Variants in UBAP1 observed in about 807,000 individuals in gnomAD.
The protein encoded by UBAP1 is ubiquitin-associated protein 1.
A neutral mutation model predicts 39.0 loss-of-function variants in UBAP1; 5 were observed. The ratio of observed to expected loss-of-function variants is 0.13; its 90% CI spans 0.07 to 0.27. The LOEUF (loss-of-function observed/expected upper bound fraction) is 0.27, where lower values mean the gene tolerates loss of function less well. UBAP1 is among the 10% of genes least tolerant of loss of function. UBAP1 has a pLI of 1.00. For synonymous variants in UBAP1, 211 were observed against 225.1 expected (o/e 0.94, Z 0.56); for missense variants, 490 against 608.1 (o/e 0.81, Z 2.04).
intron 2 of UBAP1, among the ~76,000 whole-genome samples, chr9:34,227,155 A>T (rs1007816339): frequency 6.6e-6 from 1 of 152,172 alleles, no homozygotes. Flanking sequence ...CTGATTTTGT[A>T]GATTATATGG....
chr9:34,191,841 G>A (rs1048933158), intron 1 of UBAP1: 2 of 152,208 alleles, frequency 1.3e-5, no homozygotes, highest in African/African-American at 4.8e-5. Context: ...AGGCCGTTTG[G>A]ACACAGAATT....
intron 1 of UBAP1, among the ~76,000 whole-genome samples, chr9:34,194,470 A>G (rs911670036): frequency 1.3e-5 from 2 of 151,960 alleles, no homozygotes; most frequent in Non-Finnish European, 2.9e-5. Flanking sequence ...ACCTGCCACC[A>G]TGCCCGGCTA....
intron 1 of UBAP1, among the ~76,000 whole-genome samples, chr9:34,215,218 AACCCAAATGCC>A (rs1345117246): frequency 6.6e-6 from 1 of 152,164 alleles, no homozygotes; most frequent in Non-Finnish European, 1.5e-5. Context: ...TCATGGAAGC[AACCCAAATGCC>A]TATCAACGAA....
At chr9:34,224,693 C>G (rs1249535300) in intron 2 of UBAP1, 1 of 266,654 alleles carries the variant, frequency 3.8e-6, no homozygotes, top group Admixed American at 5.4e-5. Flanking sequence ...TTTTAGATAT[C>G]AGGTAGTTTA....
Position 34,189,473 on chromosome 9 carries a change from G to A in UBAP1, c.-8+10233G>A, listed in dbSNP as rs537120399. ...CAAAGTGCTGGGATTACAGGCATGA[G>A]CCACCGCACCCGGCCGATCATTATG... On this transcript the variant is annotated intron_variant, in intron 1 of 6. Coordinates refer to ENST00000297661, the MANE Select transcript of UBAP1 (RefSeq NM_016525.5). 6.6e-5 allele frequency among the ~76,000 whole-genome samples: 10 copies of A among 152,082 alleles called. No homozygotes were observed. The East Asian group carries it at 1.9e-3, about 29-fold the overall frequency.
intron 1 of UBAP1, among the ~76,000 whole-genome samples, chr9:34,218,320 G>A (rs1832461536): frequency 7.2e-6 from 1 of 139,852 alleles, no homozygotes; most frequent in African/African-American, 2.7e-5. Context: ...TTAAATTTTG[G>A]TGGAACTTCT....
At chr9:34,217,603 C>T (rs1185266017) in intron 1 of UBAP1, among the ~76,000 whole-genome samples, 4 of 150,072 alleles carry the variant, frequency 2.7e-5, no homozygotes, top group Non-Finnish European at 4.4e-5. Flanking sequence ...GATTCGGGGG[C>T]ACATGTGCGG....
intron 4 of UBAP1, among the ~76,000 whole-genome samples, chr9:34,248,735 G>A (rs185584781): frequency 2.3e-4 from 35 of 152,328 alleles, no homozygotes; most frequent in African/African-American, 7.9e-4. Flanking sequence ...ACTTTGAGGA[G>A]AGCATCTGGT....
At chr9:34,189,117 C>A (rs1830574498) in intron 1 of UBAP1, among the ~76,000 whole-genome samples, 1 of 151,744 alleles carries the variant, frequency 6.6e-6, no homozygotes, top group South Asian at 2.1e-4. Flanking sequence ...GTTAACATTT[C>A]CTTCAGTAGT....
chr9:34,211,828 A>C (rs895134491), intron 1 of UBAP1, among the ~76,000 whole-genome samples: 10 of 151,624 alleles, frequency 6.6e-5, no homozygotes, highest in Non-Finnish European at 1.0e-4. Flanking sequence ...TTTTATTCTT[A>C]GATTTATTCT....
In UBAP1 at chr9:34,226,127, G is replaced by GTGTGTGTGTGTGTGTGTGTT. The variant is rs1554650821; in HGVS notation, c.34+5198_34+5199insTTGTGTGTGTGTGTGTGTGT. On this transcript the variant is annotated intron_variant, in intron 2 of 6. Coordinates refer to ENST00000297661, the MANE Select transcript of UBAP1 (RefSeq NM_016525.5). ...CTATTGTGTGTGTGTGTGTGTGTGTGTGTGTGTGTGTGTGTGTGTGTGTGT... is the reference window on the plus strand; with the variant it reads ...CTATTGTGTGTGTGTGTGTGTGTGTGTGTGTGTGTGTGTGTGTGTTTGTGTGTGTGTGTGTGTGTGTGTGT... Among the ~76,000 whole-genome samples the GTGTGTGTGTGTGTGTGTGTT allele has an allele frequency of 1.9e-3, 266 of 137,398 alleles. 8 individuals are homozygous for GTGTGTGTGTGTGTGTGTGTT. In the East Asian group the frequency reaches 0.034, roughly 18 times the overall value. The allele number at this position is 137,398 out of a possible 152,430, so 90.1% of individuals were successfully genotyped here. A position where few individuals can be genotyped will look rare whatever the true frequency, so the allele number is the denominator to read the frequency against.
intron 1 of UBAP1, among the ~76,000 whole-genome samples, chr9:34,180,973 G>T (rs1829984878): frequency 6.6e-6 from 1 of 151,412 alleles, no homozygotes; most frequent in Admixed American, 6.6e-5. Flanking sequence ...ACTACGGCTG[G>T]CTAATTTTTG....
intron 6 of UBAP1, 49 bp downstream of exon 6, chr9:34,250,808 A>G (rs79611535): frequency 6.7e-7 from 1 of 1,501,108 alleles, no homozygotes; most frequent in Non-Finnish European, 9.3e-7. Context: ...GGAGGGACCA[A>G]GTATCCATCC....
At position 34,179,082 on chromosome 9, in the gene UBAP1, G is replaced by C. The variant is rs780760314; in HGVS notation, c.-166G>C. On this transcript the variant is annotated 5_prime_UTR_variant, in exon 1 of 7. Transcript: ENST00000297661. Reference sequence around the variant, plus strand: ...CAACATGGCGGCTGCGGCACTGGCGGTGGCTACGGTGACGGCCTGGCCCGG... The same window carrying C: ...CAACATGGCGGCTGCGGCACTGGCGCTGGCTACGGTGACGGCCTGGCCCGG... 5 of 1,278,414 alleles carry C rather than the reference G, an allele frequency of 3.9e-6. No homozygotes were observed. The South Asian group carries it at 1.1e-4, about 27-fold the overall frequency. 79.2% of individuals were successfully genotyped at this position (1,278,414 alleles called of 1,614,324 possible).
chr9:34,196,922 G>GTGTA (rs1831098839), intron 1 of UBAP1, among the ~76,000 whole-genome samples: 3 of 150,180 alleles, frequency 2.0e-5, no homozygotes, highest in Admixed American at 2.0e-4. Flanking sequence ...GTGTGTGTGT[G>GTGTA]TGTGTGTGTG....
At chr9:34,190,761 C>T (rs1337541811) in intron 1 of UBAP1, among the ~76,000 whole-genome samples, 2 of 147,376 alleles carry the variant, frequency 1.4e-5, no homozygotes, top group East Asian at 2.0e-4. Context: ...CTCAGCCTCC[C>T]GAGTAGCTGG....
intron 1 of UBAP1, among the ~76,000 whole-genome samples, chr9:34,185,716 G>T (rs567733202): frequency 6.6e-6 from 1 of 152,068 alleles, no homozygotes; most frequent in South Asian, 2.1e-4. Flanking sequence ...CGTGGTGGCA[G>T]GTGCCTGTAA....
chr9:34,182,616 C>CTTCTTTCTTTCTTTCT (rs61297759), intron 1 of UBAP1, among the ~76,000 whole-genome samples: 64 of 110,706 alleles, frequency 5.8e-4, no homozygotes, highest in Non-Finnish European at 7.4e-4. Context: ...TCTTTCTTTC[C>CTTCTTTCTTTCTTTCT]TTCTTTCTTT....
At chr9:34,185,568 G>A (rs947572986) in intron 1 of UBAP1, among the ~76,000 whole-genome samples, 4 of 151,282 alleles carry the variant, frequency 2.6e-5, no homozygotes, top group African/African-American at 4.9e-5. Context: ...AATCTCGGGC[G>A]GGTGCTGTGG....
Sources: allele counts gnomAD v4.1 joint callset (sites outside exome capture counted in the v4.1 genomes callset), GRCh38; gene constraint gnomAD v4.1.1; transcripts MANE v1.5; gene names NCBI Gene and HGNC (gene_info 2026-07-23, HGNC 2026-07-21).